The following MTHFD1L variants were observed in gnomAD, a reference collection of about 807,000 sequenced individuals.
The protein encoded by MTHFD1L is monofunctional C1-tetrahydrofolate synthase, mitochondrial.
MTHFD1L carries 81 observed loss-of-function variants against 119.5 expected under a neutral mutation model. The observed-to-expected ratio is 0.68, with a 90% CI of 0.57 to 0.82. The LOEUF (loss-of-function observed/expected upper bound fraction) is 0.82, where lower values mean the gene tolerates loss of function less well. MTHFD1L is among the 40% of genes least tolerant of loss of function. The pLI, the probability that MTHFD1L is intolerant of heterozygous loss-of-function variation, is 0.00. For synonymous variants in MTHFD1L, 430 were observed against 475.2 expected, an observed-to-expected ratio of 0.90 and a Z score of 1.24; for missense variants, 1,125 against 1,253.4, an observed-to-expected ratio of 0.90 and a Z score of 1.55.
At chr6:150,912,828 C>A in intron 8 of MTHFD1L, 1 of 323,146 alleles carries the variant, frequency 3.1e-6, no homozygotes, top group South Asian at 2.6e-5. Flanking sequence ...CAGGATATTA[C>A]CCAGGCCCAG....
At position 150,968,496 on chromosome 6, in the gene MTHFD1L, G is replaced by GTTTGT. The variant is rs71014531; in HGVS notation, c.2014-3427_2014-3423dup. ...GATAATCATTTTCTTTATTGTTGTT[G>GTTTGT]TTTGTTTTGTTTTGTTTTGTTTTGT... On this transcript the variant is annotated intron_variant, in intron 19 of 27. Coordinates refer to ENST00000367321, the MANE Select transcript of MTHFD1L (RefSeq NM_015440.5). Among the ~76,000 whole-genome samples, 623 of 152,082 alleles carry GTTTGT rather than the reference G, an allele frequency of 4.1e-3. 3 individuals carry two copies. Among genetic ancestry groups the GTTTGT allele is most frequent in the African/African-American group, 0.011 (476 of 41,476 alleles).
intron 8 of MTHFD1L, among the ~76,000 whole-genome samples, chr6:150,912,312 T>G (rs1787048947): frequency 6.6e-6 from 1 of 152,034 alleles, no homozygotes; most frequent in African/African-American, 2.4e-5. Context: ...TTTTTTTTTT[T>G]CAAGTTCTAC....
intron 24 of MTHFD1L, among the ~76,000 whole-genome samples, chr6:151,023,048 G>C (rs1338491458): frequency 1.5e-5 from 2 of 134,170 alleles, no homozygotes; most frequent in African/African-American, 5.5e-5. Flanking sequence ...TGGTTTTTGG[G>C]TTTTTTTTTT....
At chr6:150,925,057 C>G (rs78944975) in intron 10 of MTHFD1L, among the ~76,000 whole-genome samples, 7,095 of 152,024 alleles carry the variant, frequency 0.047, 274 homozygotes, top group Admixed American at 0.12. Context: ...GGAGGAGAGT[C>G]TAGGGTGGTC....
intron 8 of MTHFD1L, among the ~76,000 whole-genome samples, chr6:150,913,703 G>A (rs1185427925): frequency 5.3e-5 from 8 of 152,074 alleles, no homozygotes; most frequent in Non-Finnish European, 1.2e-4. Context: ...TTAAAATTGT[G>A]TTGTTTTTGG....
intron 26 of MTHFD1L, among the ~76,000 whole-genome samples, chr6:151,041,266 A>G (rs1405611085): frequency 1.3e-5 from 2 of 152,186 alleles, no homozygotes; most frequent in Non-Finnish European, 2.9e-5. Context: ...AGGATCTCCT[A>G]ATAAGGACTG....
At chr6:151,094,625 C>T (rs1794739367) in intron 27 of MTHFD1L, among the ~76,000 whole-genome samples, 2 of 152,162 alleles carry the variant, frequency 1.3e-5, no homozygotes, top group African/African-American at 4.8e-5. Flanking sequence ...CTCACTACAA[C>T]CTCTGTCTCC....
chr6:150,957,932 T>C (rs1395591841), intron 17 of MTHFD1L, among the ~76,000 whole-genome samples: 3 of 152,146 alleles, frequency 2.0e-5, no homozygotes, highest in African/African-American at 7.2e-5. Flanking sequence ...AAAGCGAGTA[T>C]TGAAAAGGCC....
intron 26 of MTHFD1L, among the ~76,000 whole-genome samples, chr6:151,087,467 G>A (rs1793931040): frequency 6.6e-6 from 1 of 152,072 alleles, no homozygotes; most frequent in Non-Finnish European, 1.5e-5. Flanking sequence ...TAAAAATGCT[G>A]CTCCTTTTCT....
chr6:150,971,803 T>A, intron 19 of MTHFD1L, 144 bp from the exon 20 acceptor site: 1 of 628,968 alleles, frequency 1.6e-6, no homozygotes, highest in South Asian at 2.1e-5. Context: ...TGAGTCAGGG[T>A]GTTTTGACTG....
chr6:151,055,521 CTTTT>C (rs1335987382), intron 26 of MTHFD1L, among the ~76,000 whole-genome samples: 1 of 142,488 alleles, frequency 7.0e-6, no homozygotes, highest in Non-Finnish European at 1.5e-5. Context: ...TGTGCTGAAT[CTTTT>C]TTTTTTTTTT....
chr6:150,873,230 G>A (rs954720123), intron 1 of MTHFD1L, among the ~76,000 whole-genome samples: 1 of 152,048 alleles, frequency 6.6e-6, no homozygotes, highest in Non-Finnish European at 1.5e-5. Context: ...CAGGAGAATC[G>A]CTTGAACCTG....
At chr6:150,965,908 A>G (rs1009486656) in intron 19 of MTHFD1L, among the ~76,000 whole-genome samples, 1 of 152,184 alleles carries the variant, frequency 6.6e-6, no homozygotes, top group Non-Finnish European at 1.5e-5. Flanking sequence ...GGTCTGGAGA[A>G]GAAAAATCAG....
At chr6:150,945,400 C>T (rs908173221) in intron 14 of MTHFD1L, 67 bp from the exon 15 acceptor site, 2 of 1,285,914 alleles carry the variant, frequency 1.6e-6, no homozygotes, top group African/African-American at 1.5e-5. Context: ...TTGTCATATC[C>T]TGTGAATTGT....
chr6:151,093,972 A>G (rs1435412610), intron 27 of MTHFD1L, among the ~76,000 whole-genome samples: 1 of 152,182 alleles, frequency 6.6e-6, no homozygotes, highest in Non-Finnish European at 1.5e-5. Flanking sequence ...TCCACGCCAC[A>G]GCACTGCAGC....
rs895364993 is a variant in MTHFD1L at position 151,017,830 on chromosome 6, CTTTTTTT to C, written c.2586+2153_2586+2159del. On this transcript the variant is annotated intron_variant, in intron 24 of 27. Coordinates refer to ENST00000367321, the MANE Select transcript of MTHFD1L (RefSeq NM_015440.5). The stretch of plus-strand genomic sequence containing the variant: ...AAGTATCCCTTCAAGACCGTGTTTT[CTTTTTTT>C]TTTTTTTTTTTTTTTGAGACGGAGT... 7.1e-5 allele frequency among the ~76,000 whole-genome samples: 7 copies of C among 98,982 alleles called. No individual in the cohort carries two copies. In the South Asian group the frequency reaches 1.7e-3, roughly 24 times the overall value. The allele number at this position is 98,982 out of a possible 152,430, so 64.9% of individuals were successfully genotyped here.
chr6:150,965,046 T>C lies in MTHFD1L; in HGVS notation c.2013+9T>C. 6.2e-7 allele frequency: 1 copy of C among 1,612,822 alleles called. No homozygotes were observed. Among genetic ancestry groups the C allele is most frequent in the Non-Finnish European group, 8.5e-7 (1 of 1,178,892 alleles). ...TGATGCAGACCCTGGAAGTAAGTGG[T>C]TTTCTTCTTATAGTAATTGTTTGCA... is the stretch of plus-strand genomic sequence containing the variant. On this transcript the variant is annotated intron_variant, in intron 19 of 27. Transcript: ENST00000367321.
Position 151,067,720 on chromosome 6 carries a change from G to T in MTHFD1L, c.2848-24747G>T, listed in dbSNP as rs191342045. Among the ~76,000 whole-genome samples, 4 of 152,344 alleles carry T rather than the reference G, an allele frequency of 2.6e-5. No homozygotes were observed. The East Asian group carries it at 7.7e-4, about 29-fold the overall frequency. On this transcript the variant is annotated intron_variant, in intron 26 of 27. Transcript: ENST00000367321. The stretch of plus-strand genomic sequence containing the variant: ...AACATAAATGTAGATGGGTAACCAT[G>T]TATACAAATGCATATCTCCTCAACC...
intron 26 of MTHFD1L, among the ~76,000 whole-genome samples, chr6:151,063,328 T>C (rs1007660024): frequency 1.3e-5 from 2 of 152,222 alleles, no homozygotes; most frequent in Admixed American, 1.3e-4. Context: ...AGGTCATTTG[T>C]GTAGTCTCTC....
Sources: allele counts gnomAD v4.1 joint callset (sites outside exome capture counted in the v4.1 genomes callset), GRCh38; gene constraint gnomAD v4.1.1; transcripts MANE v1.5; gene names NCBI Gene and HGNC (gene_info 2026-07-23, HGNC 2026-07-21).